PDE1B: variants seen among roughly 807,000 people sequenced by gnomAD.
PDE1B encodes dual specificity calcium/calmodulin-dependent 3',5'-cyclic nucleotide phosphodiesterase 1B.
A neutral mutation model predicts 66.7 loss-of-function variants in PDE1B; 13 were observed. The ratio of observed to expected loss-of-function variants is 0.19; its 90% confidence interval spans 0.13 to 0.31. The LOEUF is 0.31. Among genes scored for constraint, PDE1B ranks in the 10% least tolerant of loss-of-function variants. PDE1B has a pLI of 1.00. For missense variants in PDE1B, 485 were observed against 682.3 expected (o/e 0.71, Z 3.22); for synonymous variants, 230 against 253.9 (o/e 0.91, Z 0.90).
intron 2 of PDE1B, among the ~76,000 whole-genome samples, chr12:54,556,859 G>C (rs1957347922): frequency 6.6e-6 from 1 of 151,400 alleles, no homozygotes; most frequent in African/African-American, 2.4e-5. Flanking sequence ...AAGGGAACTT[G>C]GCTGGTGGGG....
chr12:54,575,224 G>T lies in PDE1B; in HGVS notation c.1185+6G>T. On this transcript the variant is annotated splice_donor_region_variant and intron_variant, in intron 11 of 15. Coordinates refer to ENST00000243052, the MANE Select transcript of PDE1B (RefSeq NM_000924.4). This position sits in a 1 kb window ranked among gnomAD's most constrained non-coding sequence, Gnocchi z 4.0. Reference sequence around the variant, plus strand: ...TGGAGGAATTCTTCCGTCAGGTAGCGTGGCATCTTTGCCTTCCCTGTGCCT... The same window carrying T: ...TGGAGGAATTCTTCCGTCAGGTAGCTTGGCATCTTTGCCTTCCCTGTGCCT... 6.2e-7 allele frequency: 1 copy of T among 1,612,842 alleles called. No homozygotes were observed. Among genetic ancestry groups the T allele is most frequent in the Non-Finnish European group, 8.5e-7 (1 of 1,178,988 alleles).
chr12:54,577,332 TG>T lies in PDE1B; in HGVS notation c.*8del. On this transcript the variant is annotated 3_prime_UTR_variant, in exon 15 of 16. Transcript: ENST00000243052. ...CCAGAATGGGAATCTGGATTAGCCCTGGGGCTGGCCCAGGTGAGCCTGTTGT... is the reference window on the plus strand; with the variant it reads ...CCAGAATGGGAATCTGGATTAGCCCTGGGCTGGCCCAGGTGAGCCTGTTGT... The T allele has an allele frequency of 6.2e-7, 1 of 1,613,858 alleles. No homozygotes were observed. The highest frequency in any genetic ancestry group is 8.5e-7 in the Non-Finnish European group (1 of 1,179,910).
intron 2 of PDE1B, among the ~76,000 whole-genome samples, chr12:54,565,848 G>A (rs374215359): frequency 2.0e-5 from 3 of 152,028 alleles, no homozygotes; most frequent in East Asian, 1.9e-4. Flanking sequence ...TCCCTCCCCC[G>A]GCATCCCTGG....
intron 3 of PDE1B, among the ~76,000 whole-genome samples, chr12:54,567,432 G>C (rs1189611299): frequency 6.6e-6 from 1 of 152,012 alleles, no homozygotes; most frequent in Non-Finnish European, 1.5e-5. Context: ...GAGCCCAGGA[G>C]GCAGAGGTTG....
intron 2 of PDE1B, among the ~76,000 whole-genome samples, chr12:54,558,234 C>T (rs1957365334): frequency 6.6e-6 from 1 of 152,034 alleles, no homozygotes; most frequent in African/African-American, 2.4e-5. Flanking sequence ...CCTCCCTGCC[C>T]CCTTAATACC....
At chr12:54,572,847 G>T in intron 7 of PDE1B, 106 bp downstream of exon 7, 1 of 1,192,382 alleles carries the variant, frequency 8.4e-7, no homozygotes, top group East Asian at 2.3e-5. Flanking sequence ...GGTTCTTCTT[G>T]GGCACTCCAA....
Position 54,549,763 on chromosome 12 carries a change from C to A in PDE1B, c.-23C>A. On this transcript the variant is annotated 5_prime_UTR_variant, in exon 1 of 16. Transcript: ENST00000243052. ...GAGACACCGGCCTGGCTGGTCCACGCCAGCCGCAGGTGGGAAGGGCCTGGG... is the reference window on the plus strand; with the variant it reads ...GAGACACCGGCCTGGCTGGTCCACGACAGCCGCAGGTGGGAAGGGCCTGGG... 1.2e-6 allele frequency: 1 copy of A among 830,184 alleles called. No individual in the cohort carries two copies. The highest frequency in any genetic ancestry group is 1.9e-6 in the Non-Finnish European group (1 of 513,864). The allele number at this position is 830,184 out of a possible 1,614,324, so 51.4% of individuals were successfully genotyped here.
chr12:54,573,062 T>A lies in PDE1B; in HGVS notation c.736-86T>A. The A allele has an allele frequency of 1.0e-6, 1 of 967,566 alleles. No individual in the cohort carries two copies. Among genetic ancestry groups the A allele is most frequent in the Non-Finnish European group, 1.7e-6 (1 of 600,534 alleles). The allele number at this position is 967,566 out of a possible 1,614,324, so 59.9% of individuals were successfully genotyped here. Reference sequence around the variant, plus strand: ...GCCTGGAAGCATGGAAGGGATGGGATGAGTGATCTAGCCTGTGTGTGGAGG... The same window carrying A: ...GCCTGGAAGCATGGAAGGGATGGGAAGAGTGATCTAGCCTGTGTGTGGAGG... On this transcript the variant is annotated intron_variant, in intron 7 of 15. Transcript: ENST00000243052. The surrounding 1 kb of genome is among the most constrained non-coding windows in gnomAD (Gnocchi z 5.2).
chr12:54,575,430 A>C lies in PDE1B; in HGVS notation c.1186-121A>C, dbSNP rs1369576584. 1.3e-6 allele frequency: 1 copy of C among 790,506 alleles called. No homozygotes were observed. Among genetic ancestry groups the C allele is most frequent in the Non-Finnish European group, 2.2e-6 (1 of 450,452 alleles). The allele number at this position is 790,506 out of a possible 1,614,324, so 49.0% of individuals were successfully genotyped here. ...TTTCATTTGCATATTACTAATTTCCAGGTCAACAGTGCAGAAATTTCACAC... is the reference window on the plus strand; with the variant it reads ...TTTCATTTGCATATTACTAATTTCCCGGTCAACAGTGCAGAAATTTCACAC... On this transcript the variant is annotated intron_variant, in intron 11 of 15. Transcript: ENST00000243052. This position sits in a 1 kb window ranked among gnomAD's most constrained non-coding sequence, Gnocchi z 4.0.
At chr12:54,560,468 T>C (rs1166991253) in intron 2 of PDE1B, among the ~76,000 whole-genome samples, 1 of 152,164 alleles carries the variant, frequency 6.6e-6, no homozygotes, top group African/African-American at 2.4e-5. Flanking sequence ...ATCCCTGAAC[T>C]CTTTTCCCCA....
chr12:54,549,966 T>C lies in PDE1B; in HGVS notation c.94T>C (p.Trp32Arg), dbSNP rs1291710399. 1.2e-6 allele frequency: 2 copies of C among 1,613,064 alleles called. No individual in the cohort carries two copies. Among genetic ancestry groups the C allele is most frequent in the African/African-American group, 2.7e-5 (2 of 74,608 alleles). The change falls in exon 2 of 16, where the codon TGG becomes CGG. Residue 32 changes from tryptophan (W) to arginine (R), a missense_variant. By Grantham distance (101) the Trp-to-Arg change is moderately radical. Around this residue, in one of 4 missense-constraint regions of PDE1B, gnomAD observed 74 missense variants for 78.7 expected, o/e 0.94. Coordinates refer to ENST00000243052, the MANE Select transcript of PDE1B (RefSeq NM_000924.4). The part of the protein sequence containing the change: ...ELKSAPSKKM[W>R]IKLRSLLRYM... ...GAAGTCAGCCCCCAGCAAGAAGATG[T>C]GGATTAAGCTTCGGTCTCTGTAAGT...
intron 14 of PDE1B, 129 bp from the exon 15 acceptor site, chr12:54,577,096 G>T: frequency 1.2e-6 from 1 of 808,802 alleles, no homozygotes. Context: ...AGTGGGGATG[G>T]GTTGAATGTA....
chr12:54,562,585 G>T (rs1464814207), intron 2 of PDE1B, among the ~76,000 whole-genome samples: 1 of 152,184 alleles, frequency 6.6e-6, no homozygotes, highest in Non-Finnish European at 1.5e-5. Context: ...AACTGATGTT[G>T]GTGGGATAGA....
intron 3 of PDE1B, 46 bp downstream of exon 3, chr12:54,567,133 G>A (rs1278215996): frequency 1.0e-6 from 1 of 994,534 alleles, no homozygotes; most frequent in Admixed American, 2.0e-5. Flanking sequence ...GTCAGACATA[G>A]TGTTCCAGAG....
rs1283904052 is a variant in PDE1B, at chr12:54,573,853, A to G, written c.1064+144A>G. ...GCTTCAGGTATCAGACTGCATCTCT[A>G]TGTGAGAGAGAGAGAGAGTGTGTGT... On this transcript the variant is annotated intron_variant, in intron 10 of 15. Coordinates refer to ENST00000243052, the MANE Select transcript of PDE1B (RefSeq NM_000924.4). The surrounding 1 kb of genome is among the most constrained non-coding windows in gnomAD (Gnocchi z 5.2). 4.1e-6 allele frequency: 2 copies of G among 492,672 alleles called. No individual in the cohort carries two copies. The highest frequency in any genetic ancestry group is 3.1e-5 in the Admixed American group (1 of 32,068). The allele number at this position is 492,672 out of a possible 1,614,324, so 30.5% of individuals were successfully genotyped here.
intron 2 of PDE1B, among the ~76,000 whole-genome samples, chr12:54,564,386 C>T (rs897668999): frequency 8.0e-5 from 12 of 150,628 alleles, no homozygotes; most frequent in African/African-American, 2.9e-4. Context: ...AATCCCAGCA[C>T]TTTGGGAGGA....
intron 2 of PDE1B, among the ~76,000 whole-genome samples, chr12:54,557,705 T>G (rs1957359986): frequency 6.6e-6 from 1 of 152,176 alleles, no homozygotes; most frequent in Non-Finnish European, 1.5e-5. Context: ...CTTCAACATC[T>G]GTTAGGCCCC....
Position 54,575,644 on chromosome 12 carries a change from C to CCCCT in PDE1B, c.1267+12_1267+13insCCCT. ...ACAGTCTCAGATAGGTGAGTGTCCT[C>CCCCT]TCCTGCAGGAAGGGGAGGACTGGGA... is the stretch of plus-strand genomic sequence containing the variant. On this transcript the variant is annotated intron_variant, in intron 12 of 15. Transcript: ENST00000243052. The surrounding 1 kb of genome is among the most constrained non-coding windows in gnomAD (Gnocchi z 4.0). 11 of 1,583,102 alleles carry CCCCT rather than the reference C, an allele frequency of 6.9e-6. No homozygotes were observed. The highest frequency in any genetic ancestry group is 2.2e-5 in the South Asian group (2 of 90,534).
chr12:54,574,637 G>A (rs1957696217), intron 10 of PDE1B: 1 of 159,004 alleles, frequency 6.3e-6, no homozygotes, highest in Non-Finnish European at 1.4e-5. Flanking sequence ...GTGTGTGTGT[G>A]TCTGTGTGTG....
Sources: gnomAD v4.1 joint callset for allele counts (sites outside exome capture counted in the v4.1 genomes callset) on GRCh38, gnomAD v4.1.1 for gene constraint, gnomAD v4.1.1 regional missense constraint, Gnocchi (gnomAD v3.1) non-coding constraint, MANE v1.5 for transcripts, NCBI Gene and HGNC (gene_info 2026-07-23, HGNC 2026-07-21) for gene names.